DZIP1L: variants seen among roughly 807,000 people sequenced by gnomAD.
DZIP1L encodes the protein cilium assembly protein DZIP1L.
In DZIP1L, 90 loss-of-function variants were observed where a neutral mutation model predicts 88.7. The observed-to-expected ratio is 1.02, with a 90% CI of 0.86 to 1.21. The LOEUF (loss-of-function observed/expected upper bound fraction) is 1.21, where lower values mean the gene tolerates loss of function less well. DZIP1L is among the 50% of genes most tolerant of loss of function. The pLI, the probability that DZIP1L is intolerant of heterozygous loss-of-function variation, is 0.00. For missense variants in DZIP1L, 932 were observed against 955.8 expected (o/e 0.98, Z 0.33); for synonymous variants, 363 against 372.1 (o/e 0.98, Z 0.28).
chr3:138,082,081 T>C (rs552811957), intron 8 of DZIP1L, among the ~76,000 whole-genome samples: 18 of 152,286 alleles, frequency 1.2e-4, no homozygotes, highest in African/African-American at 3.9e-4. Flanking sequence ...TTGTTCCTAT[T>C]GGTATAATTC....
Position 138,062,805 on chromosome 3 carries a change from T to A in DZIP1L, c.*11A>T, listed in dbSNP as rs1321439917. 1.3e-5 allele frequency: 21 copies of A among 1,613,540 alleles called. No homozygotes were observed. In the East Asian group the frequency reaches 4.7e-4, roughly 36 times the overall value. On this transcript the variant is annotated 3_prime_UTR_variant, in exon 16 of 16. Transcript: ENST00000327532. Reference sequence around the variant, plus strand: ...AGGCTAACCCTCTAGCCAGCTAGCTTCTGGGGTGAATCACCAGGCAGGGAC... The same window carrying A: ...AGGCTAACCCTCTAGCCAGCTAGCTACTGGGGTGAATCACCAGGCAGGGAC...
chr3:138,103,551 C>G lies in DZIP1L; in HGVS notation c.421G>C (p.Glu141Gln). The part of the protein sequence containing the change: ...RQADELKGVR[E>Q]ESRRRRKMIS... ...ATCTTGCGACGCCGGCGGCTCTCCT[C>G]CCGCACACCCTTGAGCTCGTCAGCC... The change falls in exon 2 of 16, where the codon GAG (glutamate) becomes CAG (glutamine). Residue 141 changes from glutamate (E) to glutamine (Q), a missense_variant. Coordinates refer to ENST00000327532, the MANE Select transcript of DZIP1L (RefSeq NM_173543.3). The G allele has an allele frequency of 6.2e-7, 1 of 1,609,948 alleles. No homozygotes were observed. The highest frequency in any genetic ancestry group is 8.5e-7 in the Non-Finnish European group (1 of 1,179,778).
Position 138,064,760 on chromosome 3 carries a change from CAGTG to C in DZIP1L, c.2006_2009del (p.Thr669ArgfsTer13). On this transcript the variant is annotated frameshift_variant, in exon 15 of 16. Coordinates refer to ENST00000327532, the MANE Select transcript of DZIP1L (RefSeq NM_173543.3). LOFTEE classifies it high-confidence loss of function. The stretch of plus-strand genomic sequence containing the variant: ...CCAGGTTTTTGACCATCGACTGCAC[CAGTG>C]TTCCTGGAAGGTGAAAAAGTGGCTG... The C allele has an allele frequency of 6.3e-7, 1 of 1,577,378 alleles. No homozygotes were observed. The highest frequency in any genetic ancestry group is 8.6e-7 in the Non-Finnish European group (1 of 1,164,740).
At position 138,097,713 on chromosome 3, in the gene DZIP1L, C is replaced by T. The variant is rs1488414260; in HGVS notation, c.586+50G>A. 3.9e-6 allele frequency: 6 copies of T among 1,537,116 alleles called. No homozygotes were observed. The African/African-American group carries it at 6.8e-5, about 17-fold the overall frequency. On this transcript the variant is annotated intron_variant, in intron 3 of 15. Coordinates refer to ENST00000327532, the MANE Select transcript of DZIP1L (RefSeq NM_173543.3). ...GTCACCACCCACTGAATACCAGCCC[C>T]AGCCCTTTCCACAGTCCCAGAAGGG...
At chr3:138,080,413 C>T (rs931820310) in intron 10 of DZIP1L, 154 bp downstream of exon 10, 2 of 709,202 alleles carry the variant, frequency 2.8e-6, no homozygotes, top group Admixed American at 2.8e-5. Flanking sequence ...GCCTGGCACA[C>T]AGAAGGTGTT....
At chr3:138,113,072 G>A (rs137996778) in intron 1 of DZIP1L, among the ~76,000 whole-genome samples, 306 of 152,282 alleles carry the variant, frequency 2.0e-3, no homozygotes, top group African/African-American at 7.1e-3. Flanking sequence ...ATGAATAAGG[G>A]ACCCAAAAGA....
rs1457614921 is a variant in DZIP1L at position 138,092,460 on chromosome 3, CA to C, written c.792del (p.Tyr264Ter). On this transcript the variant is annotated frameshift_variant, in exon 5 of 16. Coordinates refer to ENST00000327532, the MANE Select transcript of DZIP1L (RefSeq NM_173543.3). LOFTEE classifies it high-confidence loss of function. ...KWKEQEWTKL[Y>X]GEIDKLKKLF... ...AATTTTTTTAGTTTATCTATTTCCC[CA>C]TAAAGTTTGGTCCACTCTTGCTCTT... is the stretch of plus-strand genomic sequence containing the variant. 3 of 1,606,760 alleles carry C rather than the reference CA, an allele frequency of 1.9e-6. No individual in the cohort carries two copies. The highest frequency in any genetic ancestry group is 2.5e-6 in the Non-Finnish European group (3 of 1,177,220).
At chr3:138,093,497 G>C (rs1944330229) in intron 4 of DZIP1L, among the ~76,000 whole-genome samples, 1 of 152,192 alleles carries the variant, frequency 6.6e-6, no homozygotes, top group Non-Finnish European at 1.5e-5. Context: ...ACCCTAAAAA[G>C]AGAATCATCC....
chr3:138,074,864 A>C (rs1451907324), intron 11 of DZIP1L, among the ~76,000 whole-genome samples: 34 of 152,194 alleles, frequency 2.2e-4, no homozygotes, highest in Non-Finnish European at 1.5e-5. Context: ...GGCAGAATGG[A>C]TATGAATTCA....
At position 138,080,635 on chromosome 3, in the gene DZIP1L, A is replaced by C; in HGVS notation, c.1235-15T>G. ...CTTGTGGATCCCTGAAGAGAGGAGG[A>C]ACAGTTAGTGGCACCAGTGCTCTGG... On this transcript the variant is annotated splice_polypyrimidine_tract_variant and intron_variant, in intron 9 of 15. Transcript: ENST00000327532. 1 of 1,612,166 alleles carries C rather than the reference A, an allele frequency of 6.2e-7. No homozygotes were observed. Among genetic ancestry groups the C allele is most frequent in the Non-Finnish European group, 8.5e-7 (1 of 1,179,024 alleles).
intron 2 of DZIP1L, chr3:138,102,017 C>A: frequency 6.8e-7 from 1 of 1,471,050 alleles, no homozygotes. Flanking sequence ...TTGTATGCTG[C>A]AGGTCATCTC....
chr3:138,073,002 T>G (rs1943251277), intron 11 of DZIP1L, among the ~76,000 whole-genome samples: 1 of 152,092 alleles, frequency 6.6e-6, no homozygotes, highest in African/African-American at 2.4e-5. Context: ...TCCCCAACAG[T>G]AGCTGCAGCA....
Position 138,112,725 on chromosome 3 carries a change from T to A in DZIP1L, c.-82+2603A>T, listed in dbSNP as rs552550465. 3.3e-5 allele frequency among the ~76,000 whole-genome samples: 5 copies of A among 152,310 alleles called. No individual in the cohort carries two copies. In the East Asian group the frequency reaches 9.6e-4, roughly 29 times the overall value. ...ACTTTGGGAGGCCAAGGAGGGCAGA[T>A]CGCCTGAGGTCAGGAGTTCAAAATC... On this transcript the variant is annotated intron_variant, in intron 1 of 15. Coordinates refer to ENST00000327532, the MANE Select transcript of DZIP1L (RefSeq NM_173543.3).
rs1300742729 is a variant in DZIP1L, at chr3:138,067,586, G to A, written c.1947C>T (p.Asp649=). The change falls in exon 14 of 16, where the codon GAC becomes GAT. Residue 649 remains aspartate, a synonymous_variant. Coordinates refer to ENST00000327532, the MANE Select transcript of DZIP1L (RefSeq NM_173543.3). ...CCTCCGAGGTCTCTGTGTCAGACCA[G>A]TCCCAGTCATCCTTGGGCCGGGGCA... ...RMVPRPKDDW[D]WSDTETSEEN... The A allele has an allele frequency of 3.7e-6, 6 of 1,612,142 alleles. No individual in the cohort carries two copies. Among genetic ancestry groups the A allele is most frequent in the Non-Finnish European group, 5.1e-6 (6 of 1,179,164 alleles).
intron 7 of DZIP1L, among the ~76,000 whole-genome samples, chr3:138,085,295 A>C (rs1259111553): frequency 6.6e-6 from 1 of 152,224 alleles, no homozygotes. Flanking sequence ...ATAGCAAAAG[A>C]AACTACCATC....
Position 138,062,865 on chromosome 3 carries a change from A to C in DZIP1L, c.2255T>G (p.Phe752Cys). 1 of 1,614,154 alleles carries C rather than the reference A, an allele frequency of 6.2e-7. No homozygotes were observed. Among genetic ancestry groups the C allele is most frequent in the Admixed American group, 1.7e-5 (1 of 60,030 alleles). The change falls in exon 16 of 16, where the codon TTT becomes TGT. Residue 752 changes from phenylalanine (F) to cysteine (C), a missense_variant. Phe to Cys is a radical substitution (Grantham distance 205). Coordinates refer to ENST00000327532, the MANE Select transcript of DZIP1L (RefSeq NM_173543.3). ...GCCAGAGCTCTGTGGACCAGTGCCA[A>C]ACTTCTCTGGGAGCTTTGAGCGAGA... ...PLSRSKLPEK[F>C]GTGPQSSGQP... is the part of the protein sequence containing the mutation.
chr3:138,069,209 C>A, intron 12 of DZIP1L: 1 of 631,448 alleles, frequency 1.6e-6, no homozygotes. Flanking sequence ...TTATGATGAT[C>A]CACTTCCCCT....
At chr3:138,073,900 A>G (rs963491121) in intron 11 of DZIP1L, among the ~76,000 whole-genome samples, 12 of 152,162 alleles carry the variant, frequency 7.9e-5, no homozygotes, top group African/African-American at 2.9e-4. Context: ...AAACACACTT[A>G]GAGAAATGCA....
chr3:138,094,743 T>A, intron 4 of DZIP1L, 119 bp downstream of exon 4: 1 of 1,476,880 alleles, frequency 6.8e-7, no homozygotes, highest in South Asian at 1.3e-5. Context: ...CTATCCCAGC[T>A]CTGACTCCCA....
Sources: gnomAD v4.1 joint callset for allele counts (sites outside exome capture counted in the v4.1 genomes callset) on GRCh38, gnomAD v4.1.1 for gene constraint, MANE v1.5 for transcripts, NCBI Gene and HGNC (gene_info 2026-07-23, HGNC 2026-07-21) for gene names.